SRSF4: variants seen among roughly 807,000 people sequenced by gnomAD.
The protein encoded by SRSF4 is serine/arginine-rich splicing factor 4.
A neutral mutation model predicts 48.8 loss-of-function variants in SRSF4; 12 were observed. The observed-to-expected ratio is 0.25, with a 90% CI of 0.16 to 0.40. SRSF4 has a LOEUF of 0.40. SRSF4 is among the 10% of genes least tolerant of loss of function. The probability of loss-of-function intolerance (pLI) is 1.00; values close to 1 mark genes in which losing one functional copy is unlikely to be tolerated. For missense variants in SRSF4, 466 were observed against 667.1 expected (o/e 0.70, Z 3.32); for synonymous variants, 248 against 232.5 (o/e 1.07, Z -0.61).
chr1:29,156,551 G>A (rs1672502065), intron 3 of SRSF4, among the ~76,000 whole-genome samples: 1 of 152,108 alleles, frequency 6.6e-6, no homozygotes, highest in Admixed American at 6.6e-5. Flanking sequence ...GGAATATGAG[G>A]CATAAGATGT....
rs137994936 is a variant in SRSF4, at chr1:29,158,054, C to A, written c.363+1320G>T. On this transcript the variant is annotated intron_variant, in intron 3 of 5. Coordinates refer to ENST00000373795, the MANE Select transcript of SRSF4 (RefSeq NM_005626.5). The stretch of plus-strand genomic sequence containing the variant: ...GGGCATGGTGGCATGCACTTGTAAT[C>A]CCAGTTACTCAGAGGGCTGAGGCAG... 3.9e-3 allele frequency among the ~76,000 whole-genome samples: 597 copies of A among 152,156 alleles called. 2 individuals are homozygous for A. Among genetic ancestry groups the A allele is most frequent in the African/African-American group, 0.014 (568 of 41,506 alleles).
At chr1:29,166,093 T>TG (rs929181439) in intron 1 of SRSF4, 1 of 152,220 alleles carries the variant, frequency 6.6e-6, no homozygotes, top group African/African-American at 2.4e-5. Flanking sequence ...TTTCATCTGT[T>TG]GAAGTTAACC....
intron 2 of SRSF4, 70 bp downstream of exon 2, chr1:29,160,301 CAATT>C (rs1367236205): frequency 8.9e-6 from 13 of 1,457,114 alleles, no homozygotes; most frequent in African/African-American, 4.3e-5. Context: ...AATGTAATAT[CAATT>C]AATTACTTTA....
At chr1:29,175,694 CAAAAAAAAAAA>C (rs60942124) in intron 1 of SRSF4, among the ~76,000 whole-genome samples, 8 of 38,604 alleles carry the variant, frequency 2.1e-4, no homozygotes, top group East Asian at 6.6e-4. Flanking sequence ...GACGCTGTCT[CAAAAAAAAAAA>C]AAAAAAAAAA....
intron 5 of SRSF4, 25 bp from the exon 6 acceptor site, chr1:29,149,251 G>A (rs1250032650): frequency 6.9e-6 from 11 of 1,598,576 alleles, no homozygotes; most frequent in Non-Finnish European, 7.6e-6. Context: ...GATACTGTTT[G>A]TGTCACATGT....
rs577474569 is a variant in SRSF4 at position 29,148,573 on chromosome 1, C to T, written c.1322G>A (p.Arg441Gln). The change falls in exon 6 of 6, where the codon CGG becomes CAG. Residue 441 changes from arginine (R) to glutamine (Q), a missense_variant. By Grantham distance (43) the Arg-to-Gln change is conservative (BLOSUM62 1). Transcript: ENST00000373795. ...SENAGTNQET[R>Q]SRSRSNSKSK... is the part of the protein sequence containing the mutation. ...TTTGGAATTGGATCTCGACCTGGAC[C>T]GGGTCTCCTGATTGGTGCCAGCATT... 29 of 1,614,022 alleles carry T rather than the reference C, an allele frequency of 1.8e-5. No individual in the cohort carries two copies. The East Asian group carries it at 2.0e-4, about 11-fold the overall frequency.
chr1:29,175,190 T>C (rs900615055), intron 1 of SRSF4, among the ~76,000 whole-genome samples: 1 of 137,918 alleles, frequency 7.3e-6, no homozygotes, highest in African/African-American at 2.8e-5. Flanking sequence ...GTGAGGTAGA[T>C]CACTTTGAGG....
intron 2 of SRSF4, chr1:29,160,123 A>C: frequency 2.6e-6 from 1 of 389,800 alleles, no homozygotes; most frequent in South Asian, 5.0e-5. Context: ...CAGAGAAAAA[A>C]ACAACAACAA....
chr1:29,155,371 C>T (rs1199007175), intron 3 of SRSF4, among the ~76,000 whole-genome samples: 1 of 152,110 alleles, frequency 6.6e-6, no homozygotes, highest in Non-Finnish European at 1.5e-5. Context: ...GTTGAGGCTG[C>T]AGTGAGCCGT....
At chr1:29,179,477 A>G (rs1056284078) in intron 1 of SRSF4, among the ~76,000 whole-genome samples, 1 of 152,156 alleles carries the variant, frequency 6.6e-6, no homozygotes, top group Non-Finnish European at 1.5e-5. Flanking sequence ...CTCCTGCCTC[A>G]TCCTCTGAAG....
chr1:29,178,503 C>G (rs1672905176), intron 1 of SRSF4, among the ~76,000 whole-genome samples: 1 of 151,980 alleles, frequency 6.6e-6, no homozygotes, highest in Non-Finnish European at 1.5e-5. Flanking sequence ...GCCACCATGC[C>G]CGGCTACTTT....
chr1:29,172,069 T>A (rs1472612966), intron 1 of SRSF4: 1 of 151,464 alleles, frequency 6.6e-6, no homozygotes, highest in Admixed American at 6.6e-5. Flanking sequence ...CAGAAAAAAA[T>A]TAAATTCCCC....
At chr1:29,163,741 A>G (rs895061253) in intron 1 of SRSF4, among the ~76,000 whole-genome samples, 5 of 152,366 alleles carry the variant, frequency 3.3e-5, no homozygotes, top group African/African-American at 1.2e-4. Context: ...ATCAAGGCAC[A>G]GAATATTAAA....
intron 1 of SRSF4, among the ~76,000 whole-genome samples, chr1:29,180,496 C>T (rs1672938789): frequency 6.6e-6 from 1 of 152,210 alleles, no homozygotes; most frequent in African/African-American, 2.4e-5. Context: ...TACCAGTTTT[C>T]TCATACGTGA....
Position 29,160,397 on chromosome 1 carries a change from A to G in SRSF4, c.228T>C (p.Asp76=). Residue 76 remains aspartate (D), a synonymous_variant, in exon 2 of 6, where the codon GAT becomes GAC. Coordinates refer to ENST00000373795, the MANE Select transcript of SRSF4 (RefSeq NM_005626.5). ...IVEHARGPRR[D]GSYGSGRSGY... is the part of the protein sequence containing the mutation. ...TACTGCGTCCAGAACCGTAACTGCC[A>G]TCTCGCCGTGGGCCGCGGGCATGCT... is the stretch of plus-strand genomic sequence containing the variant. 1 of 1,613,660 alleles carries G rather than the reference A, an allele frequency of 6.2e-7. No homozygotes were observed. Among genetic ancestry groups the G allele is most frequent in the Non-Finnish European group, 8.5e-7 (1 of 1,179,878 alleles).
intron 1 of SRSF4, among the ~76,000 whole-genome samples, chr1:29,179,988 G>A (rs1026075167): frequency 5.9e-5 from 9 of 152,132 alleles, no homozygotes; most frequent in African/African-American, 2.2e-4. Flanking sequence ...CACCAAACAC[G>A]CTTTATGTTA....
intron 1 of SRSF4, among the ~76,000 whole-genome samples, chr1:29,161,435 A>G (rs568687566): frequency 6.6e-6 from 1 of 152,328 alleles, no homozygotes; most frequent in Non-Finnish European, 1.5e-5. Context: ...ATCAGAAAGG[A>G]AAGTTACAAG....
chr1:29,170,032 C>T (rs1164177048), intron 1 of SRSF4: 1 of 152,188 alleles, frequency 6.6e-6, no homozygotes, highest in Non-Finnish European at 1.5e-5. Flanking sequence ...ACTATCATTA[C>T]CCCCTGCAAT....
chr1:29,178,492 T>C (rs1241580646), intron 1 of SRSF4, among the ~76,000 whole-genome samples: 1 of 152,052 alleles, frequency 6.6e-6, no homozygotes, highest in Non-Finnish European at 1.5e-5. Flanking sequence ...TACAGGTGCC[T>C]GCCACCATGC....
Sources: allele counts gnomAD v4.1 joint callset (sites outside exome capture counted in the v4.1 genomes callset), GRCh38; gene constraint gnomAD v4.1.1; transcripts MANE v1.5; gene names NCBI Gene and HGNC (gene_info 2026-07-23, HGNC 2026-07-21).